Variants in FAM13C observed in about 807,000 individuals in gnomAD.
The protein encoded by FAM13C is protein FAM13C.
FAM13C carries 37 observed loss-of-function variants against 73.2 expected under a neutral mutation model. That is an observed-to-expected ratio of 0.51 (90% CI 0.39 to 0.67). FAM13C has a LOEUF of 0.67. FAM13C is among the 30% of genes least tolerant of loss of function. The pLI, the probability that FAM13C is intolerant of heterozygous loss-of-function variation, is 0.00. For missense variants in FAM13C, 589 were observed against 715.6 expected (o/e 0.82, Z 2.02); for synonymous variants, 246 against 260.9 (o/e 0.94, Z 0.55).
At chr10:59,355,798 AAAG>A in intron 2 of FAM13C, 86 bp downstream of exon 2, 4 of 1,225,412 alleles carry the variant, frequency 3.3e-6, no homozygotes, top group Admixed American at 1.8e-5. Context: ...ATTGGAATTC[AAAG>A]AAGAGACTAG....
chr10:59,326,722 T>A (rs1306444625), intron 3 of FAM13C, among the ~76,000 whole-genome samples: 3 of 152,188 alleles, frequency 2.0e-5, no homozygotes, highest in Admixed American at 6.5e-5. Flanking sequence ...AAAGCTCACA[T>A]GGGAATCAAT....
intron 5 of FAM13C, among the ~76,000 whole-genome samples, chr10:59,292,027 G>A (rs284600): frequency 0.99 from 150,497 of 152,224 alleles, 74,415 homozygotes; most frequent in Middle Eastern, 1. Flanking sequence ...TGACCTCGTG[G>A]TCCGCCCACC....
chr10:59,339,358 A>G (rs1853189906), intron 3 of FAM13C, among the ~76,000 whole-genome samples: 1 of 152,022 alleles, frequency 6.6e-6, no homozygotes, highest in South Asian at 2.1e-4. Flanking sequence ...CTATAGGGAG[A>G]TTTCAAAGAA....
intron 2 of FAM13C, among the ~76,000 whole-genome samples, chr10:59,353,296 C>T (rs1855309999): frequency 6.6e-6 from 1 of 152,156 alleles, no homozygotes; most frequent in Non-Finnish European, 1.5e-5. Context: ...GCCATTCTTC[C>T]CACTTAAATC....
chr10:59,261,335 G>T (rs978085998), intron 10 of FAM13C, among the ~76,000 whole-genome samples: 1 of 152,048 alleles, frequency 6.6e-6, no homozygotes, highest in South Asian at 2.1e-4. Flanking sequence ...ATTTCTACTT[G>T]TAGATCACAA....
chr10:59,307,185 C>T (rs550451787), intron 4 of FAM13C, among the ~76,000 whole-genome samples: 2 of 151,956 alleles, frequency 1.3e-5, no homozygotes, highest in East Asian at 3.9e-4. Context: ...AAATGTCTGG[C>T]CAGGGTTCAC....
rs375375488 is a variant in FAM13C at position 59,283,346 on chromosome 10, C to G, written c.592+17G>C. The G allele has an allele frequency of 6.2e-7, 1 of 1,613,698 alleles. No homozygotes were observed. Among genetic ancestry groups the G allele is most frequent in the African/African-American group, 1.3e-5 (1 of 75,054 alleles). ...TTGAGAGTACAATTTGGGACAACCC[C>G]CAGCCCTGTATCTTACCTGCAGAAT... On this transcript the variant is annotated intron_variant, in intron 6 of 13. Coordinates refer to ENST00000618804, the MANE Select transcript of FAM13C (RefSeq NM_198215.4).
chr10:59,350,805 G>A (rs1053648699), intron 3 of FAM13C, among the ~76,000 whole-genome samples: 37 of 152,164 alleles, frequency 2.4e-4, no homozygotes, highest in African/African-American at 7.5e-4. Context: ...ATCTCCTGAT[G>A]CATGTTTGCT....
At chr10:59,251,314 T>G in intron 13 of FAM13C, 1 of 443,760 alleles carries the variant, frequency 2.3e-6, no homozygotes, top group East Asian at 3.4e-5. Context: ...ATGAGATTTA[T>G]TGTGCAAAGT....
At chr10:59,301,650 C>T (rs1276895543) in intron 5 of FAM13C, among the ~76,000 whole-genome samples, 23 of 152,238 alleles carry the variant, frequency 1.5e-4, no homozygotes. Context: ...TGCTCCTTTA[C>T]AACTAGCATT....
At chr10:59,343,811 G>T (rs954021522) in intron 3 of FAM13C, among the ~76,000 whole-genome samples, 2 of 152,112 alleles carry the variant, frequency 1.3e-5, no homozygotes, top group Non-Finnish European at 2.9e-5. Context: ...CACTTTTGTT[G>T]GTTTAAATCA....
Position 59,352,382 on chromosome 10 carries a change from T to C in FAM13C, c.212A>G (p.Glu71Gly). 6.2e-7 allele frequency: 1 copy of C among 1,614,136 alleles called. No homozygotes were observed. The highest frequency in any genetic ancestry group is 8.5e-7 in the Non-Finnish European group (1 of 1,180,022). The change falls in exon 3 of 14, where the codon GAG becomes GGG. Residue 71 changes from glutamate (E) to glycine (G), a missense_variant. Transcript: ENST00000618804. ...PSWEPQQQNVEATVLVDSVLR... is the reference protein window; with the variant it reads ...PSWEPQQQNVGATVLVDSVLR... The stretch of plus-strand genomic sequence containing the variant: ...TACGCTGTCCACCAGCACGGTCGCC[T>C]CTACATTCTGCTGCTGCGGCTCCCA...
chr10:59,260,705 A>C (rs1055496578), intron 10 of FAM13C, among the ~76,000 whole-genome samples: 1 of 152,180 alleles, frequency 6.6e-6, no homozygotes. Context: ...CATGAACTAC[A>C]TGAGGGCATT....
At chr10:59,279,149 T>C (rs1416554750) in intron 6 of FAM13C, among the ~76,000 whole-genome samples, 1 of 152,240 alleles carries the variant, frequency 6.6e-6, no homozygotes, top group Non-Finnish European at 1.5e-5. Flanking sequence ...TTCAGAATCA[T>C]CAAGGGAGTT....
chr10:59,296,585 T>C (rs1280186724), intron 5 of FAM13C, among the ~76,000 whole-genome samples: 1 of 152,218 alleles, frequency 6.6e-6, no homozygotes, highest in African/African-American at 2.4e-5. Context: ...AGATCCAAGG[T>C]TAAACTTCTT....
At chr10:59,301,205 A>G (rs564999277) in intron 5 of FAM13C, 3 of 152,348 alleles carry the variant, frequency 2.0e-5, no homozygotes, top group Admixed American at 1.3e-4. Flanking sequence ...GCCATAACAG[A>G]AACTGTGTGA....
At chr10:59,304,416 C>T (rs1480897461) in intron 4 of FAM13C, among the ~76,000 whole-genome samples, 1 of 152,134 alleles carries the variant, frequency 6.6e-6, no homozygotes, top group Non-Finnish European at 1.5e-5. Context: ...GCATCACTGT[C>T]ATGAAATCTT....
At chr10:59,302,139 T>C (rs1847680610) in intron 5 of FAM13C, among the ~76,000 whole-genome samples, 1 of 152,208 alleles carries the variant, frequency 6.6e-6, no homozygotes, top group African/African-American at 2.4e-5. Context: ...TAATTTACAA[T>C]GAGGACAAGA....
intron 3 of FAM13C, among the ~76,000 whole-genome samples, chr10:59,335,336 TA>T (rs1371849925): frequency 6.6e-6 from 1 of 152,204 alleles, no homozygotes; most frequent in Admixed American, 6.5e-5. Flanking sequence ...GGGAAAAGCC[TA>T]AGGACCTACG....
Sources: gnomAD v4.1 joint callset for allele counts (sites outside exome capture counted in the v4.1 genomes callset) on GRCh38, gnomAD v4.1.1 for gene constraint, MANE v1.5 for transcripts, NCBI Gene and HGNC (gene_info 2026-07-23, HGNC 2026-07-21) for gene names.